PKHD1: variants seen among roughly 807,000 people sequenced by gnomAD.
PKHD1 encodes the protein PKHD1 ciliary IPT domain containing fibrocystin/polyductin, also known as fibrocystin.
Under a neutral mutation model 412.0 loss-of-function variants are expected in PKHD1, and 291 were observed. The observed-to-expected ratio is 0.71, with a 90% confidence interval of 0.64 to 0.78. The LOEUF is 0.78. Ranked by LOEUF, PKHD1 falls within the 30% of genes least tolerant of loss-of-function variation. The pLI is 0.00. For missense variants in PKHD1, 4,825 were observed against 4,950.7 expected, an observed-to-expected ratio of 0.97 and a Z score of 0.76; for synonymous variants, 1,777 against 1,821.5, an observed-to-expected ratio of 0.98 and a Z score of 0.62.
At chr6:51,704,366 A>AT (rs1779778242) in intron 60 of PKHD1, among the ~76,000 whole-genome samples, 1 of 152,056 alleles carries the variant, frequency 6.6e-6, no homozygotes, top group Non-Finnish European at 1.5e-5. Context: ...ATGAACTGAG[A>AT]TTTTCTTCTA....
At chr6:51,917,423 C>A (rs1157652198) in intron 37 of PKHD1, among the ~76,000 whole-genome samples, 1 of 151,994 alleles carries the variant, frequency 6.6e-6, no homozygotes, top group African/African-American at 2.4e-5. Context: ...AAGACAAACA[C>A]AAAGAACAGA....
chr6:51,902,799 T>C (rs1781488301), intron 43 of PKHD1, among the ~76,000 whole-genome samples: 2 of 152,190 alleles, frequency 1.3e-5, no homozygotes, highest in Non-Finnish European at 2.9e-5. Flanking sequence ...CAAAAATTAA[T>C]TTCTTAAATG....
chr6:51,824,756 T>C (rs374872533), intron 52 of PKHD1, among the ~76,000 whole-genome samples: 4 of 152,168 alleles, frequency 2.6e-5, no homozygotes, highest in African/African-American at 9.7e-5. Context: ...GTTTCCTTCA[T>C]GTCTTTCCTC....
chr6:52,033,271 A>G (rs982925820), intron 28 of PKHD1, 106 bp from the exon 29 acceptor site: 1 of 928,492 alleles, frequency 1.1e-6, no homozygotes, highest in South Asian at 1.4e-5. Context: ...TAATTTTAAG[A>G]AAGTTGTTCC....
intron 60 of PKHD1, among the ~76,000 whole-genome samples, chr6:51,679,748 G>A (rs986056686): frequency 4.6e-5 from 7 of 152,100 alleles, no homozygotes; most frequent in South Asian, 2.1e-4. Flanking sequence ...GCTTACAAGT[G>A]CTTCTTTTCC....
chr6:51,632,180 G>A (rs916535272), intron 65 of PKHD1, among the ~76,000 whole-genome samples: 2 of 151,964 alleles, frequency 1.3e-5, no homozygotes, highest in Non-Finnish European at 2.9e-5. Context: ...CTAACCTCAG[G>A]TGATCCACCC....
intron 37 of PKHD1, 51 bp from the exon 38 acceptor site, chr6:51,912,627 A>C (rs375261306): frequency 2.5e-6 from 3 of 1,178,760 alleles, no homozygotes; most frequent in African/African-American, 1.5e-5. Context: ...ATTAATCAAA[A>C]CGTGATTAAT....
intron 55 of PKHD1, among the ~76,000 whole-genome samples, chr6:51,762,504 A>T (rs12665432): frequency 6.6e-6 from 1 of 151,874 alleles, no homozygotes; most frequent in South Asian, 2.1e-4. Context: ...TAATTTAGAG[A>T]TAAATTGATA....
At chr6:51,920,678 A>C (rs1328222103) in intron 37 of PKHD1, among the ~76,000 whole-genome samples, 1 of 152,270 alleles carries the variant, frequency 6.6e-6, no homozygotes, top group South Asian at 2.1e-4. Context: ...TATTGATTGG[A>C]ATAGTTTCAG....
intron 60 of PKHD1, among the ~76,000 whole-genome samples, chr6:51,724,694 T>C (rs191207082): frequency 1.3e-5 from 2 of 152,332 alleles, no homozygotes; most frequent in East Asian, 1.9e-4. Flanking sequence ...ATGAATGTTA[T>C]CTTATATAGA....
At chr6:51,661,567 T>C (rs796991131) in intron 60 of PKHD1, among the ~76,000 whole-genome samples, 1 of 152,082 alleles carries the variant, frequency 6.6e-6, no homozygotes, top group African/African-American at 2.4e-5. Flanking sequence ...AAGAAGAAAG[T>C]AGTAACTTCG....
At chr6:51,830,324 G>A (rs899403895) in intron 52 of PKHD1, among the ~76,000 whole-genome samples, 22 of 152,152 alleles carry the variant, frequency 1.4e-4, no homozygotes, top group South Asian at 1.0e-3. Flanking sequence ...TTTTTATAAC[G>A]TGTATACTGG....
chr6:51,768,157 G>T (rs55835055), intron 55 of PKHD1, among the ~76,000 whole-genome samples: 27,936 of 151,630 alleles, frequency 0.18, 3,380 homozygotes, highest in African/African-American at 0.34. Context: ...TACTTTTTGA[G>T]GGGGTTGTTT....
At chr6:51,782,996 TC>T (rs1253379490) in intron 53 of PKHD1, among the ~76,000 whole-genome samples, 3 of 152,194 alleles carry the variant, frequency 2.0e-5, no homozygotes, top group African/African-American at 7.2e-5. Flanking sequence ...GAAAGAAACT[TC>T]CATATACCTA....
intron 60 of PKHD1, among the ~76,000 whole-genome samples, chr6:51,701,172 T>C (rs1779359745): frequency 1.3e-5 from 2 of 152,176 alleles, no homozygotes; most frequent in South Asian, 2.1e-4. Context: ...TTGTATTTTA[T>C]CTAATGCAAT....
intron 60 of PKHD1, among the ~76,000 whole-genome samples, chr6:51,738,100 G>T (rs1411516176): frequency 6.6e-6 from 1 of 152,190 alleles, no homozygotes; most frequent in African/African-American, 2.4e-5. Context: ...ACTGTAGACA[G>T]GTAGCCGATA....
intron 45 of PKHD1, among the ~76,000 whole-genome samples, chr6:51,884,787 A>T (rs1777941571): frequency 6.6e-6 from 1 of 152,194 alleles, no homozygotes; most frequent in African/African-American, 2.4e-5. Context: ...ACAGAGTTTA[A>T]GCCCCTGCAG....
chr6:51,623,393 AT>A (rs960822510), intron 66 of PKHD1, among the ~76,000 whole-genome samples: 4 of 151,554 alleles, frequency 2.6e-5, no homozygotes, highest in African/African-American at 9.7e-5. Flanking sequence ...ACATTTCTTT[AT>A]TTTTTTTCTA....
chr6:51,733,423 C>T (rs752009087), intron 60 of PKHD1, among the ~76,000 whole-genome samples: 4 of 151,518 alleles, frequency 2.6e-5, no homozygotes, highest in Non-Finnish European at 5.9e-5. Context: ...GCCTGTAGTC[C>T]CAGCTACTGA....
Sources: gnomAD v4.1 joint callset for allele counts (sites outside exome capture counted in the v4.1 genomes callset) on GRCh38, gnomAD v4.1.1 for gene constraint, MANE v1.5 for transcripts, NCBI Gene and HGNC (gene_info 2026-07-23, HGNC 2026-07-21) for gene names.